The following ATP11B variants were observed in gnomAD, a reference collection of about 807,000 sequenced individuals.
ATP11B encodes the protein ATPase phospholipid transporting 11B (putative).
In ATP11B, 81 loss-of-function variants were observed where a neutral mutation model predicts 157.8. The ratio of observed to expected loss-of-function variants is 0.51; its 90% CI spans 0.43 to 0.62. The LOEUF is 0.62. Among genes scored for constraint, ATP11B ranks in the 20% least tolerant of loss-of-function variants. The pLI is 0.00. For synonymous variants in ATP11B, 451 were observed against 469.4 expected (o/e 0.96, Z 0.51); for missense variants, 1,165 against 1,402.2 (o/e 0.83, Z 2.70).
intron 28 of ATP11B, among the ~76,000 whole-genome samples, chr3:182,904,417 T>C (rs1418351777): frequency 6.6e-6 from 1 of 152,234 alleles, no homozygotes; most frequent in Non-Finnish European, 1.5e-5. Flanking sequence ...CATATACATC[T>C]TTCTGCTGAT....
chr3:182,829,870 TTGTC>T, intron 4 of ATP11B, 118 bp downstream of exon 4: 1 of 1,423,684 alleles, frequency 7.0e-7, no homozygotes, highest in East Asian at 2.5e-5. Flanking sequence ...AGCAGCAAAT[TTGTC>T]TGATACGTAG....
intron 19 of ATP11B, among the ~76,000 whole-genome samples, chr3:182,878,826 G>T (rs559610183): frequency 1.3e-5 from 2 of 151,510 alleles, no homozygotes; most frequent in Non-Finnish European, 2.9e-5. Flanking sequence ...ATTTCATAGA[G>T]TTTTTTTTTA....
intron 24 of ATP11B, among the ~76,000 whole-genome samples, chr3:182,889,016 A>C (rs1441562478): frequency 6.6e-6 from 1 of 151,954 alleles, no homozygotes; most frequent in Admixed American, 6.6e-5. Flanking sequence ...GCGCGTGCCA[A>C]CATGCCCAGC....
intron 1 of ATP11B, among the ~76,000 whole-genome samples, chr3:182,815,874 T>C (rs1175507116): frequency 1.3e-5 from 2 of 152,242 alleles, no homozygotes; most frequent in African/African-American, 2.4e-5. Flanking sequence ...GAGGCTAATA[T>C]ACTTGGCCTG....
At chr3:182,819,777 A>G (rs1167893114) in intron 1 of ATP11B, among the ~76,000 whole-genome samples, 2 of 152,256 alleles carry the variant, frequency 1.3e-5, no homozygotes, top group Non-Finnish European at 2.9e-5. Flanking sequence ...AACCTTTGCC[A>G]TCAGATGTGG....
chr3:182,810,866 C>T (rs1716621871), intron 1 of ATP11B, among the ~76,000 whole-genome samples: 1 of 152,150 alleles, frequency 6.6e-6, no homozygotes, highest in Non-Finnish European at 1.5e-5. Flanking sequence ...ATTCTCAACG[C>T]TGTCAGACAT....
At chr3:182,895,121 A>C (rs1723451742) in intron 25 of ATP11B, among the ~76,000 whole-genome samples, 1 of 150,930 alleles carries the variant, frequency 6.6e-6, no homozygotes, top group South Asian at 2.1e-4. Flanking sequence ...TCAAAAAAAA[A>C]AAAAAAAAAA....
At chr3:182,855,938 T>C (rs957255549) in intron 10 of ATP11B, among the ~76,000 whole-genome samples, 5 of 150,726 alleles carry the variant, frequency 3.3e-5, no homozygotes, top group African/African-American at 9.7e-5. Context: ...TTGGTGGGAA[T>C]TAAAAATAGT....
In ATP11B at chr3:182,879,539, G is replaced by A. The variant is rs1228044545; in HGVS notation, c.2296G>A (p.Gly766Arg). 6.2e-7 allele frequency: 1 copy of A among 1,612,812 alleles called. No homozygotes were observed. Among genetic ancestry groups the A allele is most frequent in the South Asian group, 1.1e-5 (1 of 90,756 alleles). ...HVIQHGLVVD[G>R]TSLSLALREH... is the part of the protein sequence containing the mutation. Reference sequence around the variant, plus strand: ...GATTCAGCATGGGCTGGTAGTGGATGGGACCAGCCTATCTCTTGCACTCAG... The same window carrying A: ...GATTCAGCATGGGCTGGTAGTGGATAGGACCAGCCTATCTCTTGCACTCAG... Residue 766 changes from glycine to arginine, a missense_variant, in exon 20 of 30, where the codon GGG (glycine) becomes AGG (arginine). By Grantham distance (125) the Gly-to-Arg change is moderately radical. Transcript: ENST00000323116.
rs549297376 is a variant in ATP11B, at chr3:182,794,651, T to C, written c.27+865T>C. Among the ~76,000 whole-genome samples, 3 of 152,326 alleles carry C rather than the reference T, an allele frequency of 2.0e-5. No homozygotes were observed. In the South Asian group the frequency reaches 6.2e-4, roughly 32 times the overall value. On this transcript the variant is annotated intron_variant, in intron 1 of 29. Coordinates refer to ENST00000323116, the MANE Select transcript of ATP11B (RefSeq NM_014616.3). Reference sequence around the variant, plus strand: ...TTTAAGGCCTATAAAAAGTGCCACCTTTCCCAGAATTAATTCAGAGAGAAA... The same window carrying C: ...TTTAAGGCCTATAAAAAGTGCCACCCTTCCCAGAATTAATTCAGAGAGAAA...
intron 22 of ATP11B, 57 bp downstream of exon 22, chr3:182,884,955 A>G (rs1057458577): frequency 2.3e-5 from 24 of 1,022,028 alleles, no homozygotes; most frequent in Non-Finnish European, 4.2e-6. Context: ...GTTTCAATTT[A>G]AGGAATGTTA....
chr3:182,869,273 C>CT lies in ATP11B; in HGVS notation c.1809dup (p.Lys604Ter). ...AAAGGAGCTGAGTCATCAATTCTCC[C>CT]TAAATGTATAGGTGGAGAAATAGAA... On this transcript the variant is annotated frameshift_variant, in exon 17 of 30. Coordinates refer to ENST00000323116, the MANE Select transcript of ATP11B (RefSeq NM_014616.3). LOFTEE classifies it high-confidence loss of function. 6.2e-7 allele frequency: 1 copy of CT among 1,610,514 alleles called. No individual in the cohort carries two copies. The highest frequency in any genetic ancestry group is 8.5e-7 in the Non-Finnish European group (1 of 1,178,534).
In ATP11B at chr3:182,921,051, T is replaced by TAATA. The variant is rs1467387870; in HGVS notation, c.*2948_*2951dup. 2 of 152,196 alleles carry TAATA rather than the reference T, an allele frequency of 1.3e-5. No homozygotes were observed. The highest frequency in any genetic ancestry group is 2.9e-5 in the Non-Finnish European group (2 of 68,044). The allele number at this position is 152,196 out of a possible 1,614,324, so 9.4% of individuals were successfully genotyped here. The stretch of plus-strand genomic sequence containing the variant: ...AACTTATCTGATCGCTTGAGACTCC[T>TAATA]AATAGGCAGGAGTCAAGGCCACTAG... On this transcript the variant is annotated 3_prime_UTR_variant, in exon 30 of 30. Transcript: ENST00000323116.
chr3:182,809,106 G>A (rs1716499648), intron 1 of ATP11B, among the ~76,000 whole-genome samples: 1 of 151,684 alleles, frequency 6.6e-6, no homozygotes, highest in Non-Finnish European at 1.5e-5. Context: ...CCTCCTATAG[G>A]AGATTAAAAA....
chr3:182,864,149 A>AT (rs899297832), intron 12 of ATP11B, among the ~76,000 whole-genome samples: 43 of 151,642 alleles, frequency 2.8e-4, no homozygotes, highest in African/African-American at 8.0e-4. Flanking sequence ...TATATATTCT[A>AT]TTTTTTTTAG....
At chr3:182,838,072 C>T (rs966612460) in intron 7 of ATP11B, among the ~76,000 whole-genome samples, 1 of 151,944 alleles carries the variant, frequency 6.6e-6, no homozygotes, top group Non-Finnish European at 1.5e-5. Flanking sequence ...AGTCTTTAGC[C>T]GTTGGCTTTT....
chr3:182,874,953 C>T (rs1721924075), intron 19 of ATP11B, among the ~76,000 whole-genome samples: 1 of 151,998 alleles, frequency 6.6e-6, no homozygotes, highest in East Asian at 1.9e-4. Context: ...TGGCCCGTAA[C>T]AGAAAACATT....
At position 182,921,468 on chromosome 3, in the gene ATP11B, TAC is replaced by T. The variant is rs1725484544; in HGVS notation, c.*3365_*3366del. On this transcript the variant is annotated 3_prime_UTR_variant, in exon 30 of 30. Coordinates refer to ENST00000323116, the MANE Select transcript of ATP11B (RefSeq NM_014616.3). The stretch of plus-strand genomic sequence containing the variant: ...TGAGTATCTGGAAATATTGTAGCAA[TAC>T]TTGGTTTAAAATTTTGGACCTGAGA... 1 of 152,184 alleles carries T rather than the reference TAC, an allele frequency of 6.6e-6. No homozygotes were observed. The allele number at this position is 152,184 out of a possible 1,614,324, so 9.4% of individuals were successfully genotyped here.
chr3:182,823,127 C>T (rs1217148114), intron 2 of ATP11B, among the ~76,000 whole-genome samples: 2 of 152,314 alleles, frequency 1.3e-5, no homozygotes, highest in African/African-American at 4.8e-5. Flanking sequence ...AATTAGATCC[C>T]ATTTGTCAAT....
Sources: allele counts gnomAD v4.1 joint callset (sites outside exome capture counted in the v4.1 genomes callset), GRCh38; gene constraint gnomAD v4.1.1; transcripts MANE v1.5; gene names NCBI Gene and HGNC (gene_info 2026-07-23, HGNC 2026-07-21).